The following NTM variants were observed in gnomAD, a reference collection of about 807,000 sequenced individuals.
NTM encodes the protein neurotrimin.
NTM carries 13 observed loss-of-function variants against 42.1 expected under a neutral mutation model. The ratio of observed to expected loss-of-function variants is 0.31; its 90% CI spans 0.20 to 0.49. NTM has a LOEUF of 0.49. Ranked by LOEUF, NTM falls within the 20% of genes least tolerant of loss-of-function variation. The pLI, the probability that NTM is intolerant of heterozygous loss-of-function variation, is 0.99. For synonymous variants in NTM, 187 were observed against 179.2 expected (o/e 1.04, Z -0.35); for missense variants, 373 against 452.8 (o/e 0.82, Z 1.60).
intron 3 of NTM, among the ~76,000 whole-genome samples, chr11:132,203,380 T>C (rs1347707613): frequency 1.3e-5 from 2 of 152,180 alleles, no homozygotes; most frequent in Non-Finnish European, 2.9e-5. Context: ...ACATCTATTT[T>C]GAGGAGAAAA....
intron 2 of NTM, among the ~76,000 whole-genome samples, chr11:132,073,666 T>G (rs1193477577): frequency 6.6e-6 from 1 of 152,228 alleles, no homozygotes; most frequent in Admixed American, 6.5e-5. Context: ...AATTTCATTT[T>G]GAAATAAAGC....
chr11:132,011,133 C>T (rs663174), intron 2 of NTM, among the ~76,000 whole-genome samples: 122,373 of 151,920 alleles, frequency 0.81, 50,058 homozygotes, highest in East Asian at 0.96. Context: ...ATTAGGTCTA[C>T]AATTTGTAAA....
At chr11:131,780,027 C>G (rs151274035) in intron 1 of NTM, among the ~76,000 whole-genome samples, 4 of 152,252 alleles carry the variant, frequency 2.6e-5, no homozygotes, top group African/African-American at 7.2e-5. Context: ...ATCCCTGGGG[C>G]GTTCACAGGA....
chr11:132,205,322 T>C (rs553093443), intron 3 of NTM, among the ~76,000 whole-genome samples: 1 of 152,196 alleles, frequency 6.6e-6, no homozygotes. Context: ...TAATAGGATA[T>C]CCACTGTGTG....
intron 2 of NTM, among the ~76,000 whole-genome samples, chr11:131,975,144 T>C (rs900877695): frequency 3.3e-5 from 5 of 152,124 alleles, no homozygotes; most frequent in African/African-American, 1.2e-4. Context: ...TTCTTATTTT[T>C]TGCCTTTTCA....
intron 1 of NTM, among the ~76,000 whole-genome samples, chr11:131,710,014 G>A (rs965026880): frequency 1.3e-5 from 2 of 152,154 alleles, no homozygotes; most frequent in Admixed American, 6.5e-5. Flanking sequence ...TCCGTGTGTT[G>A]ACTGAGAACA....
In NTM at chr11:132,335,337, AT is replaced by A; in HGVS notation, c.*193del. On this transcript the variant is annotated 3_prime_UTR_variant, in exon 9 of 9. Transcript: ENST00000683400. Reference sequence around the variant, plus strand: ...GGGGGAAAAAAGTTTTAAAAAAGAAATTGAAAATTGCCTTGCAGATATTTAG... The same window carrying A: ...GGGGGAAAAAAGTTTTAAAAAAGAAATGAAAATTGCCTTGCAGATATTTAG... 1 of 631,154 alleles carries A rather than the reference AT, an allele frequency of 1.6e-6. No individual in the cohort carries two copies. Among genetic ancestry groups the A allele is most frequent in the Non-Finnish European group, 2.7e-6 (1 of 375,480 alleles). 39.1% of individuals were successfully genotyped at this position (631,154 alleles called of 1,614,324 possible).
At chr11:131,741,530 G>A (rs371023637) in intron 1 of NTM, among the ~76,000 whole-genome samples, 21 of 152,122 alleles carry the variant, frequency 1.4e-4, no homozygotes, top group South Asian at 1.0e-3. Context: ...TGGATTTTCC[G>A]GTAGAAATGT....
At chr11:131,834,606 G>T (rs1052826802) in intron 1 of NTM, among the ~76,000 whole-genome samples, 4 of 101,162 alleles carry the variant, frequency 4.0e-5, no homozygotes. Context: ...GGAATAGTGT[G>T]TGTATATATA....
In NTM at chr11:131,887,065, G is replaced by A. The variant is rs115177419; in HGVS notation, c.83-24499G>A. ...GATGAATAAGTTCTGGAGAAGTAAC[G>A]TACAGCATGATGACTACAGTTGATA... On this transcript the variant is annotated intron_variant, in intron 1 of 8. Transcript: ENST00000683400. Among the ~76,000 whole-genome samples the A allele has an allele frequency of 6.0e-3, 918 of 152,264 alleles. 11 individuals carry two copies. The highest frequency in any genetic ancestry group is 0.021 in the African/African-American group (867 of 41,542).
intron 1 of NTM, among the ~76,000 whole-genome samples, chr11:131,372,615 T>G (rs1941374544): frequency 3.3e-5 from 5 of 151,788 alleles, no homozygotes; most frequent in African/African-American, 1.2e-4. Flanking sequence ...GGGTCAGAGG[T>G]AGGGAGAGGG....
intron 1 of NTM, among the ~76,000 whole-genome samples, chr11:131,595,272 C>A (rs2059719213): frequency 6.6e-6 from 1 of 152,120 alleles, no homozygotes; most frequent in East Asian, 1.9e-4. Context: ...CTCCACATCA[C>A]CATGCGCCTC....
At chr11:131,736,177 G>A (rs881370) in intron 1 of NTM, among the ~76,000 whole-genome samples, 21,463 of 152,024 alleles carry the variant, frequency 0.14, 1,792 homozygotes, top group Middle Eastern at 0.22. Flanking sequence ...AAGGTGACTT[G>A]TCCAAAGTCA....
chr11:131,723,267 G>A (rs574561212), intron 1 of NTM, among the ~76,000 whole-genome samples: 1 of 152,242 alleles, frequency 6.6e-6, no homozygotes, highest in Non-Finnish European at 1.5e-5. Flanking sequence ...CTTCAAAGCA[G>A]GGTTGGAAAG....
intron 1 of NTM, among the ~76,000 whole-genome samples, chr11:131,810,880 A>G (rs2092705167): frequency 6.6e-6 from 1 of 152,208 alleles, no homozygotes; most frequent in Non-Finnish European, 1.5e-5. Flanking sequence ...CATCTAGTCT[A>G]GTGGATTTCC....
rs911949459 is a variant in NTM at position 132,003,024 on chromosome 11, A to G, written c.167+91376A>G. Among the ~76,000 whole-genome samples, 19 of 152,202 alleles carry G rather than the reference A, an allele frequency of 1.2e-4. No homozygotes were observed. Among genetic ancestry groups the G allele is most frequent in the Non-Finnish European group, 2.5e-4 (17 of 68,042 alleles). On this transcript the variant is annotated intron_variant, in intron 2 of 8. Transcript: ENST00000683400. The surrounding 1 kb of genome is among the most constrained non-coding windows in gnomAD (Gnocchi z 6.0). Reference sequence around the variant, plus strand: ...CTGAGCAGCAGCTGATTTCTGGCTTAGAAGTTAGGGTTAGGAAAGTAACTA... The same window carrying G: ...CTGAGCAGCAGCTGATTTCTGGCTTGGAAGTTAGGGTTAGGAAAGTAACTA...
intron 2 of NTM, among the ~76,000 whole-genome samples, chr11:132,117,114 T>C (rs898785740): frequency 6.6e-6 from 1 of 152,188 alleles, no homozygotes; most frequent in Non-Finnish European, 1.5e-5. Flanking sequence ...CATTGGAAAA[T>C]TTCTATTAGA....
Position 131,854,501 on chromosome 11 carries a change from C to CA in NTM, c.83-57058dup, listed in dbSNP as rs572571923. On this transcript the variant is annotated intron_variant, in intron 1 of 8. Transcript: ENST00000683400. The stretch of plus-strand genomic sequence containing the variant: ...GAAGGAAGAGGGAAAACCAGCACTG[C>CA]AAAAAGCAGAAGGAAATGTACTCTA... 2.5e-3 allele frequency among the ~76,000 whole-genome samples: 378 copies of CA among 152,222 alleles called. 1 individual carries two copies. Among genetic ancestry groups the CA allele is most frequent in the Non-Finnish European group, 3.5e-3 (235 of 68,022 alleles).
chr11:131,758,717 C>T (rs565598625), intron 1 of NTM, among the ~76,000 whole-genome samples: 15 of 152,114 alleles, frequency 9.9e-5, no homozygotes, highest in African/African-American at 3.4e-4. Flanking sequence ...CTCTGCCTCC[C>T]GAGTAGCTGG....
Sources: allele counts gnomAD v4.1 joint callset (sites outside exome capture counted in the v4.1 genomes callset), GRCh38; gene constraint gnomAD v4.1.1; non-coding constraint Gnocchi (gnomAD v3.1); transcripts MANE v1.5; gene names NCBI Gene and HGNC (gene_info 2026-07-23, HGNC 2026-07-21).